COL25A1: variants seen among roughly 807,000 people sequenced by gnomAD.
COL25A1 encodes collagen alpha-1(XXV) chain.
A neutral mutation model predicts 128.4 loss-of-function variants in COL25A1; 103 were observed. The observed-to-expected ratio is 0.80, with a 90% CI of 0.68 to 0.94. COL25A1 has a LOEUF of 0.94. Ranked by LOEUF, COL25A1 falls within the 40% of genes least tolerant of loss-of-function variation. COL25A1 has a pLI of 0.00. For synonymous variants in COL25A1, 279 were observed against 277.2 expected, an observed-to-expected ratio of 1.01 and a Z score of -0.06; for missense variants, 745 against 840.0, an observed-to-expected ratio of 0.89 and a Z score of 1.40.
intron 19 of COL25A1, among the ~76,000 whole-genome samples, chr4:108,879,385 T>G (rs898479947): frequency 6.1e-5 from 2 of 32,710 alleles, no homozygotes; most frequent in Non-Finnish European, 1.4e-4. Flanking sequence ...TTGCTCCATG[T>G]TTTTTTTTCC....
chr4:108,851,133 A>C (rs1735723681), intron 26 of COL25A1, among the ~76,000 whole-genome samples: 1 of 152,096 alleles, frequency 6.6e-6, no homozygotes, highest in Non-Finnish European at 1.5e-5. Flanking sequence ...CAGCTCACCA[A>C]GATATTATTG....
intron 3 of COL25A1, among the ~76,000 whole-genome samples, chr4:109,077,580 T>G (rs568721936): frequency 2.6e-5 from 4 of 152,144 alleles, no homozygotes; most frequent in East Asian, 1.9e-4. Context: ...TAGCTATGAG[T>G]GTGTATTAGA....
intron 3 of COL25A1, among the ~76,000 whole-genome samples, chr4:109,234,915 T>C (rs537871379): frequency 6.6e-6 from 1 of 152,196 alleles, no homozygotes; most frequent in African/African-American, 2.4e-5. Flanking sequence ...CTGTAAATTG[T>C]GAATAGCCAA....
chr4:109,135,122 G>A (rs1433949529), intron 3 of COL25A1, among the ~76,000 whole-genome samples: 2 of 151,916 alleles, frequency 1.3e-5, no homozygotes, highest in African/African-American at 4.8e-5. Context: ...GTGAACTGGG[G>A]TAGAAAAGTC....
chr4:109,018,412 T>C (rs577017340), intron 5 of COL25A1, among the ~76,000 whole-genome samples: 5 of 152,214 alleles, frequency 3.3e-5, no homozygotes, highest in Admixed American at 2.6e-4. Context: ...TTAGTAGAGA[T>C]GGGGTTTCAC....
At position 108,937,818 on chromosome 4, in the gene COL25A1, T is replaced by C; in HGVS notation, c.698A>G (p.Gln233Arg). Residue 233 changes from glutamine (Q) to arginine (R), a missense_variant, in exon 11 of 38, where the codon CAA becomes CGA. By Grantham distance (43) the Gln-to-Arg change is conservative. Transcript: ENST00000399132. ...AACTGAGATACTTGCCATCAAGCCT[T>C]GTTCTCCTGGCTTTCCTGGTTCACC... ...VPGEPGKPGE[Q>R]GLMGPLGPPG... The C allele has an allele frequency of 6.2e-7, 1 of 1,608,464 alleles. No homozygotes were observed. The highest frequency in any genetic ancestry group is 8.5e-7 in the Non-Finnish European group (1 of 1,177,638).
At chr4:109,157,928 C>T (rs975894810) in intron 3 of COL25A1, among the ~76,000 whole-genome samples, 2 of 152,120 alleles carry the variant, frequency 1.3e-5, no homozygotes, top group Admixed American at 6.5e-5. Context: ...ATCAAAGGCA[C>T]GGGCATAACT....
intron 3 of COL25A1, among the ~76,000 whole-genome samples, chr4:109,289,006 T>C (rs866753812): frequency 7.6e-4 from 105 of 138,730 alleles, no homozygotes; most frequent in African/African-American, 3.0e-3. Flanking sequence ...CACACACACA[T>C]ATATATACAA....
intron 5 of COL25A1, among the ~76,000 whole-genome samples, chr4:109,015,571 C>G (rs1052912964): frequency 1.3e-5 from 2 of 152,164 alleles, no homozygotes; most frequent in African/African-American, 2.4e-5. Context: ...GTGGAGAATA[C>G]TGAGTGCTCT....
intron 31 of COL25A1, among the ~76,000 whole-genome samples, chr4:108,836,620 G>T (rs1733844981): frequency 1.3e-5 from 2 of 152,110 alleles, no homozygotes; most frequent in African/African-American, 4.8e-5. Context: ...TAGCCTGGGT[G>T]ACAGAGTGAG....
At chr4:108,834,168 A>G (rs1733492906) in intron 31 of COL25A1, among the ~76,000 whole-genome samples, 1 of 152,194 alleles carries the variant, frequency 6.6e-6, no homozygotes. Context: ...TTCTCCGGAC[A>G]GAGTTGCAAC....
intron 19 of COL25A1, among the ~76,000 whole-genome samples, chr4:108,880,329 G>A (rs1297946197): frequency 6.6e-6 from 1 of 152,194 alleles, no homozygotes; most frequent in East Asian, 1.9e-4. Context: ...ATAGTGTGAT[G>A]TCATGTTTGG....
intron 32 of COL25A1, among the ~76,000 whole-genome samples, chr4:108,831,358 A>G (rs1431458642): frequency 2.0e-5 from 3 of 152,142 alleles, no homozygotes; most frequent in African/African-American, 7.2e-5. Flanking sequence ...AGCATTTGGT[A>G]AATATTTCCT....
At chr4:109,269,796 T>C (rs1578599114) in intron 3 of COL25A1, among the ~76,000 whole-genome samples, 1 of 152,202 alleles carries the variant, frequency 6.6e-6, no homozygotes, top group African/African-American at 2.4e-5. Flanking sequence ...ATATCCTTGA[T>C]GAACATTGAT....
intron 3 of COL25A1, among the ~76,000 whole-genome samples, chr4:109,067,087 C>T (rs766613994): frequency 1.3e-5 from 2 of 152,128 alleles, no homozygotes; most frequent in Non-Finnish European, 2.9e-5. Context: ...ACACATGTGG[C>T]CTTCAAGGTT....
intron 6 of COL25A1, among the ~76,000 whole-genome samples, chr4:108,980,146 A>G (rs1752829360): frequency 2.0e-5 from 3 of 152,216 alleles, no homozygotes; most frequent in South Asian, 4.1e-4. Context: ...TCATCAATGT[A>G]ACAAGGAGTG....
chr4:108,963,767 CCAA>C (rs1750993599), intron 8 of COL25A1, among the ~76,000 whole-genome samples: 2 of 151,386 alleles, frequency 1.3e-5, no homozygotes, highest in South Asian at 4.2e-4. Context: ...TGTAAAAATC[CCAA>C]CAAAAGAAAT....
Position 109,301,813 on chromosome 4 carries a change from G to A in COL25A1, c.207C>T (p.Ala69=). 6.2e-7 allele frequency: 1 copy of A among 1,614,270 alleles called. No homozygotes were observed. The highest frequency in any genetic ancestry group is 8.5e-7 in the Non-Finnish European group (1 of 1,180,050). ...GCAGATGAATGGAAGGGGCCCCTTT[G>A]GCGGATTCGAGAGCGGCGATCCTCG... The part of the protein sequence containing the change: ...LQARIAALES[A]KGAPSIHLLP... The change falls in exon 2 of 38, where the codon GCC becomes GCT. Residue 69 remains alanine (A), a synonymous_variant. Transcript: ENST00000399132.
At chr4:109,037,959 G>A (rs1759515414) in intron 5 of COL25A1, among the ~76,000 whole-genome samples, 1 of 152,156 alleles carries the variant, frequency 6.6e-6, no homozygotes, top group African/African-American at 2.4e-5. Flanking sequence ...CATGGAATAT[G>A]AAAGCTGAAT....
Sources: gnomAD v4.1 joint callset for allele counts (sites outside exome capture counted in the v4.1 genomes callset) on GRCh38, gnomAD v4.1.1 for gene constraint, MANE v1.5 for transcripts, NCBI Gene and HGNC (gene_info 2026-07-23, HGNC 2026-07-21) for gene names.